Variants in FAXDC2 observed in about 807,000 individuals in gnomAD.
FAXDC2 encodes fatty acid hydroxylase domain containing 2, also known as fatty acid hydroxylase domain-containing protein 2.
In FAXDC2, 41 loss-of-function variants were observed where a neutral mutation model predicts 40.9. That is an observed-to-expected ratio of 1.00 (90% CI 0.78 to 1.30). FAXDC2 has a LOEUF of 1.30. FAXDC2 is among the 50% of genes most tolerant of loss of function. The pLI is 0.00. For missense variants in FAXDC2, 390 were observed against 408.8 expected, an observed-to-expected ratio of 0.95 and a Z score of 0.40; for synonymous variants, 157 against 149.3, an observed-to-expected ratio of 1.05 and a Z score of -0.38.
intron 5 of FAXDC2, among the ~76,000 whole-genome samples, chr5:154,827,305 CA>C (rs1324808409): frequency 0.058 from 4,998 of 86,702 alleles, 271 homozygotes; most frequent in African/African-American, 0.19. Context: ...GAGACTGTCT[CA>C]AAAAAAAAAA....
chr5:154,838,279 T>TAA, intron 1 of FAXDC2, 101 bp from the exon 2 acceptor site: 1 of 1,079,792 alleles, frequency 9.3e-7, no homozygotes, highest in African/African-American at 1.7e-5. Context: ...CAGTGATTTT[T>TAA]GAAAAAAAAA....
At chr5:154,828,722 G>A (rs147307658) in intron 5 of FAXDC2, among the ~76,000 whole-genome samples, 118 of 150,648 alleles carry the variant, frequency 7.8e-4, no homozygotes, top group African/African-American at 2.9e-3. Context: ...TTGACCTCCT[G>A]ACTAGCTGAG....
At chr5:154,848,090 C>T (rs550511448) in intron 1 of FAXDC2, among the ~76,000 whole-genome samples, 11 of 152,004 alleles carry the variant, frequency 7.2e-5, no homozygotes, top group South Asian at 2.1e-4. Context: ...CCGCCCGCCT[C>T]GGCCTCCCAA....
At chr5:154,826,836 A>C (rs1421625587) in intron 5 of FAXDC2, among the ~76,000 whole-genome samples, 1 of 152,170 alleles carries the variant, frequency 6.6e-6, no homozygotes, top group East Asian at 1.9e-4. Context: ...TTTCAAACTC[A>C]CTTTCAAATA....
Position 154,839,090 on chromosome 5 carries a change from C to T in FAXDC2, c.1-912G>A, listed in dbSNP as rs894916001. 2.6e-5 allele frequency among the ~76,000 whole-genome samples: 4 copies of T among 152,108 alleles called. No homozygotes were observed. The South Asian group carries it at 8.3e-4, about 32-fold the overall frequency. ...TCTGTAATCCCTGCACTTTCGGAGG[C>T]CAAGGTGGGTGGATCACCTAAGGTC... On this transcript the variant is annotated intron_variant, in intron 1 of 8. Transcript: ENST00000326080.
Position 154,834,932 on chromosome 5 carries a change from C to A in FAXDC2, c.51G>T (p.Glu17Asp). The change falls in exon 3 of 9, where the codon GAG becomes GAT. Residue 17 changes from glutamate to aspartate, a missense_variant and splice_region_variant. Glu to Asp is a conservative substitution (Grantham distance 45, BLOSUM62 2). Transcript: ENST00000326080. ...HMLHNEKSKQ[E>D]GHIWGSMRRT... ...TCCTCATAGAGCCCCAGATGTGTCC[C>A]TCCTGGAGGAGGGCAGGGAAGTGTC... The A allele has an allele frequency of 6.3e-7, 1 of 1,590,924 alleles. No homozygotes were observed. The highest frequency in any genetic ancestry group is 1.1e-5 in the South Asian group (1 of 88,158).
At chr5:154,841,798 C>T (rs1760480699) in intron 1 of FAXDC2, among the ~76,000 whole-genome samples, 1 of 151,414 alleles carries the variant, frequency 6.6e-6, no homozygotes. Context: ...TGCAGTGGCA[C>T]GATCTCAGCT....
At chr5:154,837,484 G>A (rs558689982) in intron 2 of FAXDC2, among the ~76,000 whole-genome samples, 1 of 152,224 alleles carries the variant, frequency 6.6e-6, no homozygotes, top group East Asian at 1.9e-4. Flanking sequence ...TGCTAGACTG[G>A]TGACCTTGGG....
At chr5:154,847,232 C>T (rs537780046) in intron 1 of FAXDC2, among the ~76,000 whole-genome samples, 2 of 152,182 alleles carry the variant, frequency 1.3e-5, no homozygotes, top group South Asian at 4.1e-4. Flanking sequence ...GCTGGGATTC[C>T]AGGCATGAGC....
At chr5:154,843,303 C>T (rs1480082957) in intron 1 of FAXDC2, among the ~76,000 whole-genome samples, 1 of 152,212 alleles carries the variant, frequency 6.6e-6, no homozygotes, top group African/African-American at 2.4e-5. Flanking sequence ...ACTCCATTAT[C>T]TTTGCTAAGA....
intron 5 of FAXDC2, among the ~76,000 whole-genome samples, chr5:154,827,147 A>T (rs1260256566): frequency 6.6e-6 from 1 of 152,036 alleles, no homozygotes; most frequent in Non-Finnish European, 1.5e-5. Context: ...TCTACTGAAA[A>T]TACAAAAATT....
chr5:154,831,144 A>G, intron 4 of FAXDC2: 1 of 455,524 alleles, frequency 2.2e-6, no homozygotes, highest in Non-Finnish European at 4.0e-6. Flanking sequence ...AATAGGGACA[A>G]CCTTCAAGGT....
Position 154,834,658 on chromosome 5 carries a change from A to G in FAXDC2, c.211T>C (p.Phe71Leu), listed in dbSNP as rs772939452. The change falls in exon 4 of 9, where the codon TTT (phenylalanine) becomes CTT (leucine). Residue 71 changes from phenylalanine (F) to leucine (L), a missense_variant. Physicochemically the swap from Phe to Leu is conservative, Grantham distance 22. Transcript: ENST00000326080. The stretch of plus-strand genomic sequence containing the variant: ...AAGAGGATCCACTCCTTCCCTTCAA[A>G]TGTAGTCAGCAGCCTCTCCCACTGG... ...QAQWERLLTT[F>L]EGKEWILFFI... The G allele has an allele frequency of 3.1e-6, 5 of 1,613,934 alleles. No homozygotes were observed.
intron 1 of FAXDC2, among the ~76,000 whole-genome samples, chr5:154,848,132 C>T (rs1424967927): frequency 6.6e-6 from 1 of 152,226 alleles, no homozygotes; most frequent in African/African-American, 2.4e-5. Flanking sequence ...AGCCACCATG[C>T]CCGGCCTACT....
chr5:154,831,209 C>T (rs1760180303), intron 4 of FAXDC2: 1 of 253,384 alleles, frequency 3.9e-6, no homozygotes, highest in Non-Finnish European at 7.8e-6. Flanking sequence ...ATATAATACC[C>T]TCTAAAATAG....
intron 6 of FAXDC2, 67 bp from the exon 7 acceptor site, chr5:154,822,644 G>C: frequency 7.7e-7 from 1 of 1,301,696 alleles, no homozygotes; most frequent in Non-Finnish European, 1.1e-6. Context: ...CAGACCATGA[G>C]AAACCAAAAA....
chr5:154,822,888 A>G (rs1759925079), intron 6 of FAXDC2, among the ~76,000 whole-genome samples: 1 of 152,154 alleles, frequency 6.6e-6, no homozygotes, highest in Non-Finnish European at 1.5e-5. Context: ...TTGGACATTC[A>G]TTCCTCAGTT....
At chr5:154,842,869 A>AT (rs1315204383) in intron 1 of FAXDC2, among the ~76,000 whole-genome samples, 1 of 150,518 alleles carries the variant, frequency 6.6e-6, no homozygotes, top group African/African-American at 2.5e-5. Flanking sequence ...GGGTCTTGCT[A>AT]TATTGCTGAG....
intron 1 of FAXDC2, among the ~76,000 whole-genome samples, chr5:154,849,619 T>G (rs1286342184): frequency 6.6e-6 from 1 of 152,234 alleles, no homozygotes; most frequent in African/African-American, 2.4e-5. Flanking sequence ...ACCATTCCCT[T>G]GTGCTAATTA....
Sources: allele counts gnomAD v4.1 joint callset (sites outside exome capture counted in the v4.1 genomes callset), GRCh38; gene constraint gnomAD v4.1.1; transcripts MANE v1.5; gene names NCBI Gene and HGNC (gene_info 2026-07-23, HGNC 2026-07-21).